Variants in SMCO4 observed in about 807,000 individuals in gnomAD.
SMCO4 encodes the protein single-pass membrane protein with coiled-coil domains 4, also known as single-pass membrane and coiled-coil domain-containing protein 4.
In SMCO4, 4 loss-of-function variants were observed where a neutral mutation model predicts 3.6. The ratio of observed to expected loss-of-function variants is 1.11; its 90% CI spans 0.54 to 2.53. The LOEUF (loss-of-function observed/expected upper bound fraction) is 2.53. SMCO4 is among the 30% of genes most tolerant of loss of function. The probability of loss-of-function intolerance (pLI) is 0.02; values close to 1 mark genes in which losing one functional copy is unlikely to be tolerated. For synonymous variants in SMCO4, 36 were observed against 35.3 expected (o/e 1.02, Z -0.07); for missense variants, 70 against 80.8 (o/e 0.87, Z 0.51).
upstream of SMCO4, among the ~76,000 whole-genome samples, chr11:93,546,361 T>C (rs975026487): frequency 1.3e-5 from 2 of 152,226 alleles, no homozygotes; most frequent in African/African-American, 4.8e-5. Flanking sequence ...GCTGGCAAAA[T>C]CAGCTTGTAA....
chr11:93,501,698 G>A (rs1051084387), intron 1 of SMCO4, among the ~76,000 whole-genome samples: 2 of 152,040 alleles, frequency 1.3e-5, no homozygotes, highest in African/African-American at 4.8e-5. Context: ...TTCCAATTAA[G>A]GTAACATTTA....
chr11:93,537,944 C>T (rs929674271), intron 1 of SMCO4: 1 of 152,488 alleles, frequency 6.6e-6, no homozygotes, highest in Admixed American at 6.5e-5. Flanking sequence ...CCAAATAAAG[C>T]CAGAATCTGA....
At position 93,478,846 on chromosome 11, in the gene SMCO4, G is replaced by A. The variant is rs897151656; in HGVS notation, c.*164C>T. The A allele has an allele frequency of 4.2e-6, 6 of 1,421,834 alleles. No individual in the cohort carries two copies. In the African/African-American group the frequency reaches 5.8e-5, roughly 14 times the overall value. The allele number at this position is 1,421,834 out of a possible 1,614,324, so 88.1% of individuals were successfully genotyped here. ...TAAAACATCCCCTATTCCCTCCCAA[G>A]AAAGCGGAGATACTTTAATCAAGTC... On this transcript the variant is annotated 3_prime_UTR_variant, in exon 3 of 3. Transcript: ENST00000298966.
chr11:93,497,763 C>T (rs1948792005), intron 2 of SMCO4, among the ~76,000 whole-genome samples: 1 of 152,322 alleles, frequency 6.6e-6, no homozygotes, highest in Admixed American at 6.5e-5. Flanking sequence ...CTTGCCTCTG[C>T]CTGCTTCCCA....
At chr11:93,546,819 T>G (rs1949319177), upstream of SMCO4, among the ~76,000 whole-genome samples, 1 of 152,210 alleles carries the variant, frequency 6.6e-6, no homozygotes, top group African/African-American at 2.4e-5. Flanking sequence ...CTGGTGCAGC[T>G]TGCCCCTACA....
intron 1 of SMCO4, among the ~76,000 whole-genome samples, chr11:93,514,413 T>TGTATATATATATATAC (rs1948988939): frequency 6.8e-4 from 23 of 33,960 alleles, no homozygotes; most frequent in African/African-American, 1.9e-3. Context: ...TATATATATA[T>TGTATATATATATATAC]ATATATATAA....
At chr11:93,502,653 A>G (rs1565379303) in intron 1 of SMCO4, among the ~76,000 whole-genome samples, 2 of 152,218 alleles carry the variant, frequency 1.3e-5, no homozygotes, top group Non-Finnish European at 2.9e-5. Flanking sequence ...TTAAAACTAT[A>G]CACACCCTTT....
intron 2 of SMCO4, among the ~76,000 whole-genome samples, chr11:93,480,993 C>T (rs540414209): frequency 6.6e-5 from 10 of 151,884 alleles, no homozygotes; most frequent in Admixed American, 4.6e-4. Context: ...TTAAGGGAAG[C>T]GCCATTTGGG....
intron 1 of SMCO4, among the ~76,000 whole-genome samples, chr11:93,499,711 C>A (rs1324772334): frequency 6.6e-6 from 1 of 152,100 alleles, no homozygotes; most frequent in East Asian, 1.9e-4. Flanking sequence ...TCCCTGCAAT[C>A]AAAAATCACT....
At chr11:93,492,585 T>G (rs1948730934) in intron 2 of SMCO4, among the ~76,000 whole-genome samples, 1 of 152,222 alleles carries the variant, frequency 6.6e-6, no homozygotes, top group Non-Finnish European at 1.5e-5. Flanking sequence ...TACAAGGGAC[T>G]GCCTCTGTGA....
At chr11:93,500,954 A>T (rs12808921) in intron 1 of SMCO4, among the ~76,000 whole-genome samples, 18,165 of 152,196 alleles carry the variant, frequency 0.12, 1,334 homozygotes, top group Non-Finnish European at 0.17. Context: ...GCTTTCACTG[A>T]ACAGGGTACA....
chr11:93,489,828 A>C (rs1029381462), intron 2 of SMCO4, among the ~76,000 whole-genome samples: 6 of 144,268 alleles, frequency 4.2e-5, no homozygotes, highest in Non-Finnish European at 9.1e-5. Flanking sequence ...AGAGTTCAAG[A>C]TCAGAAAACA....
intron 2 of SMCO4, among the ~76,000 whole-genome samples, chr11:93,498,894 CT>C (rs1729322744): frequency 6.6e-6 from 1 of 152,056 alleles, no homozygotes; most frequent in South Asian, 2.1e-4. Context: ...AAGCAGCTTA[CT>C]GGGGAAAACA....
intron 1 of SMCO4, among the ~76,000 whole-genome samples, chr11:93,521,670 C>G (rs1375261932): frequency 2.6e-5 from 4 of 152,182 alleles, no homozygotes; most frequent in African/African-American, 7.2e-5. Flanking sequence ...CTTGCAGAGA[C>G]AGTATTCTGC....
chr11:93,535,439 A>C (rs766830935), intron 1 of SMCO4: 45 of 1,315,788 alleles, frequency 3.4e-5, no homozygotes, highest in Non-Finnish European at 4.6e-5. Context: ...TAGGGGCTTA[A>C]GCAGAGGGAG....
At chr11:93,500,629 C>T (rs189598778) in intron 1 of SMCO4, among the ~76,000 whole-genome samples, 26 of 152,158 alleles carry the variant, frequency 1.7e-4, no homozygotes, top group African/African-American at 5.8e-4. Flanking sequence ...GTCATGAATG[C>T]CAAGTAAAGG....
chr11:93,489,920 C>T (rs1233326879), intron 2 of SMCO4, among the ~76,000 whole-genome samples: 2 of 152,158 alleles, frequency 1.3e-5, no homozygotes, highest in Admixed American at 1.3e-4. Flanking sequence ...TCCCTCACAC[C>T]AAGTTGTGAT....
chr11:93,502,387 C>G (rs1402524922), intron 1 of SMCO4, among the ~76,000 whole-genome samples: 3 of 152,110 alleles, frequency 2.0e-5, no homozygotes, highest in Non-Finnish European at 2.9e-5. Context: ...GGAGAAGGCA[C>G]TGGGGTGACT....
chr11:93,496,331 AG>A (rs1158665474), intron 2 of SMCO4, among the ~76,000 whole-genome samples: 2 of 152,158 alleles, frequency 1.3e-5, no homozygotes, highest in African/African-American at 4.8e-5. Context: ...ATTTGGGGGA[AG>A]AAAAAGATGA....
Sources: gnomAD v4.1 joint callset for allele counts (sites outside exome capture counted in the v4.1 genomes callset) on GRCh38, gnomAD v4.1.1 for gene constraint, MANE v1.5 for transcripts, NCBI Gene and HGNC (gene_info 2026-07-23, HGNC 2026-07-21) for gene names.